Variants in CHL1 observed in about 807,000 individuals in gnomAD.
CHL1 encodes cell adhesion molecule L1 like.
In CHL1, 96 loss-of-function variants were observed where a neutral mutation model predicts 141.9. That is an observed-to-expected ratio of 0.68 (90% CI 0.57 to 0.80). CHL1 has a LOEUF of 0.80. CHL1 is among the 30% of genes least tolerant of loss of function. The pLI, the probability that CHL1 is intolerant of heterozygous loss-of-function variation, is 0.00. For missense variants in CHL1, 1,820 were observed against 1,457.2 expected (o/e 1.25, Z -4.05); for synonymous variants, 613 against 502.2 (o/e 1.22, Z -2.95).
At chr3:280,888 T>C (rs1004195420) in intron 2 of CHL1, among the ~76,000 whole-genome samples, 1 of 150,056 alleles carries the variant, frequency 6.7e-6, no homozygotes, top group Non-Finnish European at 1.5e-5. Context: ...GACACACACA[T>C]GCACCACACA....
At chr3:253,310 G>T (rs1693875161) in intron 2 of CHL1, among the ~76,000 whole-genome samples, 1 of 152,136 alleles carries the variant, frequency 6.6e-6, no homozygotes, top group Non-Finnish European at 1.5e-5. Context: ...GACAGTTAAT[G>T]CGAGTTAGGT....
In CHL1 at chr3:394,678, T is replaced by A; in HGVS notation, c.2915-15T>A. The A allele has an allele frequency of 4.4e-6, 7 of 1,574,394 alleles. No homozygotes were observed. The highest frequency in any genetic ancestry group is 6.1e-6 in the Non-Finnish European group (7 of 1,150,706). On this transcript the variant is annotated splice_polypyrimidine_tract_variant and intron_variant, in intron 23 of 27. Transcript: ENST00000256509. ...TTAAATACATTTGAGCTGTTGTTCATGTTTATTTTTTTAGTAAATGACACC... is the reference window on the plus strand; with the variant it reads ...TTAAATACATTTGAGCTGTTGTTCAAGTTTATTTTTTTAGTAAATGACACC...
intron 2 of CHL1, among the ~76,000 whole-genome samples, chr3:252,873 A>G (rs930732849): frequency 6.6e-5 from 10 of 152,086 alleles, no homozygotes; most frequent in Admixed American, 5.9e-4. Flanking sequence ...TCCAATTATC[A>G]TGCTTTCATT....
At chr3:391,284 G>A in intron 22 of CHL1, 125 bp downstream of exon 22, 2 of 723,950 alleles carry the variant, frequency 2.8e-6, no homozygotes, top group Non-Finnish European at 4.7e-6. Flanking sequence ...GGGAGGCCAA[G>A]GCAGATGGAT....
At chr3:324,523 A>G (rs1341157033) in intron 3 of CHL1, among the ~76,000 whole-genome samples, 2 of 152,130 alleles carry the variant, frequency 1.3e-5, no homozygotes, top group Non-Finnish European at 2.9e-5. Context: ...TATTTCCAGC[A>G]TTAGTAAATT....
At chr3:305,614 T>C (rs1047487433) in intron 2 of CHL1, among the ~76,000 whole-genome samples, 1 of 151,694 alleles carries the variant, frequency 6.6e-6, no homozygotes, top group Admixed American at 6.6e-5. Flanking sequence ...CCCTATAACT[T>C]GCTTTTTTCA....
Position 360,384 on chromosome 3 carries a change from C to G in CHL1, c.1266C>G (p.Val422=). 1 of 1,613,832 alleles carries G rather than the reference C, an allele frequency of 6.2e-7. No individual in the cohort carries two copies. The highest frequency in any genetic ancestry group is 1.1e-5 in the South Asian group (1 of 91,062). Residue 422 remains valine, a synonymous_variant, in exon 12 of 28, where the codon GTC becomes GTG. Transcript: ENST00000256509. The part of the protein sequence containing the change: ...TAVYQCEASN[V]HGTILANANI... ...TGTACCAGTGTGAAGCCTCAAATGT[C>G]CATGGAACTATCCTTGCCAATGCCA...
chr3:257,354 T>G (rs906722709), intron 2 of CHL1, among the ~76,000 whole-genome samples: 1 of 110,640 alleles, frequency 9.0e-6, no homozygotes, highest in African/African-American at 4.9e-5. Context: ...TTTCTTCTTC[T>G]TTTTTTTTTT....
chr3:228,196 C>A (rs555447075), intron 1 of CHL1, among the ~76,000 whole-genome samples: 2 of 152,104 alleles, frequency 1.3e-5, no homozygotes, highest in Non-Finnish European at 2.9e-5. Context: ...TTTTTAAGGA[C>A]AATTTTAATT....
intron 2 of CHL1, among the ~76,000 whole-genome samples, chr3:292,563 T>C (rs1396847275): frequency 6.6e-6 from 1 of 152,204 alleles, no homozygotes; most frequent in Non-Finnish European, 1.5e-5. Context: ...GGGCAAAAAT[T>C]GCTATCTTAT....
chr3:339,482 T>C (rs447210), intron 5 of CHL1, among the ~76,000 whole-genome samples: 151,148 of 152,308 alleles, frequency 0.99, 75,011 homozygotes, highest in Non-Finnish European at 1. Flanking sequence ...AAAGGAATCT[T>C]ATAGAACGAG....
chr3:355,733 T>G (rs943619381), intron 11 of CHL1, among the ~76,000 whole-genome samples: 4 of 152,100 alleles, frequency 2.6e-5, no homozygotes, highest in African/African-American at 9.7e-5. Flanking sequence ...TTTTTTAAAC[T>G]GCAAAATGGA....
chr3:354,977 C>T (rs947169870), intron 11 of CHL1, among the ~76,000 whole-genome samples: 2 of 151,998 alleles, frequency 1.3e-5, no homozygotes, highest in African/African-American at 4.8e-5. Context: ...ATTTATACTG[C>T]CTGTGCCCTC....
intron 1 of CHL1, among the ~76,000 whole-genome samples, chr3:205,978 C>T (rs1163441912): frequency 6.6e-6 from 1 of 152,202 alleles, no homozygotes; most frequent in African/African-American, 2.4e-5. Flanking sequence ...TTTCCAGCCC[C>T]AGCAGTGCCC....
chr3:346,505 A>T (rs571227916), intron 9 of CHL1, among the ~76,000 whole-genome samples: 20 of 152,260 alleles, frequency 1.3e-4, no homozygotes, highest in Admixed American at 1.1e-3. Context: ...GCCTTCACTG[A>T]CCTCTTGGAT....
rs1350693626 is a variant in CHL1, at chr3:384,156, T to C, written c.2247+270T>C. Among the ~76,000 whole-genome samples, 3 of 152,208 alleles carry C rather than the reference T, an allele frequency of 2.0e-5. No homozygotes were observed. The East Asian group carries it at 5.8e-4, about 29-fold the overall frequency. On this transcript the variant is annotated intron_variant, in intron 19 of 27. Coordinates refer to ENST00000256509, the MANE Select transcript of CHL1 (RefSeq NM_006614.4). ...CATTACCGAAGTTTCAAATTATTAA[T>C]AATTTAATTAACAATATTCTAGATT...
intron 10 of CHL1, among the ~76,000 whole-genome samples, chr3:353,883 C>T (rs1372567763): frequency 6.6e-6 from 1 of 152,068 alleles, no homozygotes; most frequent in South Asian, 2.1e-4. Flanking sequence ...TTTAGTTACC[C>T]CTGACATAGC....
intron 1 of CHL1, among the ~76,000 whole-genome samples, chr3:218,854 G>A (rs1203044559): frequency 6.6e-6 from 1 of 152,132 alleles, no homozygotes; most frequent in African/African-American, 2.4e-5. Context: ...TAATTGAAAA[G>A]TCAAAAAGTA....
At position 343,012 on chromosome 3, in the gene CHL1, C is replaced by T. The variant is rs1702460790; in HGVS notation, c.708C>T (p.Ser236=). The change falls in exon 8 of 28, where the codon TCC becomes TCT. Residue 236 remains serine, a synonymous_variant. Transcript: ENST00000256509. ...AGCATGCTAATGACTCAAGTTCATCCACAGAAATTGGTTCCAAGGGTAAGT... is the reference window on the plus strand; with the variant it reads ...AGCATGCTAATGACTCAAGTTCATCTACAGAAATTGGTTCCAAGGGTAAGT... ...SLKHANDSSS[S]TEIGSKANSI... is the part of the protein sequence containing the mutation. 6 of 1,607,894 alleles carry T rather than the reference C, an allele frequency of 3.7e-6. No individual in the cohort carries two copies. Among genetic ancestry groups the T allele is most frequent in the African/African-American group, 1.3e-5 (1 of 74,496 alleles).
Sources: gnomAD v4.1 joint callset for allele counts (sites outside exome capture counted in the v4.1 genomes callset) on GRCh38, gnomAD v4.1.1 for gene constraint, MANE v1.5 for transcripts, NCBI Gene and HGNC (gene_info 2026-07-23, HGNC 2026-07-21) for gene names.